The following PARD3B variants were observed in gnomAD, a reference collection of about 807,000 sequenced individuals.
PARD3B encodes the protein partitioning defective 3 homolog B.
PARD3B carries 103 observed loss-of-function variants against 130.2 expected under a neutral mutation model. That is an observed-to-expected ratio of 0.79 (90% CI 0.67 to 0.93). The LOEUF is 0.93. Among genes scored for constraint, PARD3B ranks in the 40% least tolerant of loss-of-function variants. The probability of loss-of-function intolerance (pLI) is 0.00; values close to 1 mark genes in which losing one functional copy is unlikely to be tolerated. For synonymous variants in PARD3B, 583 were observed against 553.2 expected, an observed-to-expected ratio of 1.05 and a Z score of -0.76; for missense variants, 1,609 against 1,499.2, an observed-to-expected ratio of 1.07 and a Z score of -1.21.
Position 205,301,672 on chromosome 2 carries a change from AAAG to A in PARD3B, c.2608_2610del (p.Lys870del), listed in dbSNP as rs750498436. 2.5e-5 allele frequency: 40 copies of A among 1,614,002 alleles called. No homozygotes were observed. The highest frequency in any genetic ancestry group is 1.6e-4 in the South Asian group (15 of 91,074). On this transcript the variant is annotated inframe_deletion, in exon 18 of 23. Coordinates refer to ENST00000406610, the MANE Select transcript of PARD3B (RefSeq NM_001302769.2). This position sits in a 1 kb window ranked among gnomAD's most constrained non-coding sequence, Gnocchi z 5.2. ...AGAATGAAGATCCAGAAAGGAAAAT[AAAG>A]AAGAAGGGCTTCGGCGCCATGCTGA...
intron 4 of PARD3B, among the ~76,000 whole-genome samples, chr2:205,054,436 A>ATATTTTT (rs1411271901): frequency 7.0e-5 from 2 of 28,438 alleles, no homozygotes; most frequent in Admixed American, 7.1e-4. Flanking sequence ...ATATATATAT[A>ATATTTTT]TTTTTTTTTT....
At chr2:204,960,728 A>G (rs1395611226) in intron 2 of PARD3B, among the ~76,000 whole-genome samples, 1 of 152,158 alleles carries the variant, frequency 6.6e-6, no homozygotes, top group Admixed American at 6.6e-5. Flanking sequence ...ATGGGGATAC[A>G]CAATCAATAA....
chr2:205,339,823 A>G (rs544986137), intron 18 of PARD3B, among the ~76,000 whole-genome samples: 1 of 152,292 alleles, frequency 6.6e-6, no homozygotes, highest in East Asian at 1.9e-4. Context: ...TGAAGAAACA[A>G]AACATTTGAC....
intron 19 of PARD3B, among the ~76,000 whole-genome samples, chr2:205,433,123 A>G (rs1286939331): frequency 6.6e-6 from 1 of 152,222 alleles, no homozygotes; most frequent in Non-Finnish European, 1.5e-5. Flanking sequence ...TAATGCATTT[A>G]AAAGAGAATT....
intron 2 of PARD3B, among the ~76,000 whole-genome samples, chr2:204,730,585 G>GAAAAAAAAAAAAAAAA (rs201459754): frequency 7.4e-6 from 1 of 134,712 alleles, no homozygotes. Flanking sequence ...AAAAAAAAAA[G>GAAAAAAAAAAAAAAAA]AAAAAAAAAA....
intron 1 of PARD3B, among the ~76,000 whole-genome samples, chr2:204,597,490 G>C (rs1413081041): frequency 6.6e-6 from 1 of 152,134 alleles, no homozygotes; most frequent in Non-Finnish European, 1.5e-5. Flanking sequence ...ATGGAGAAAA[G>C]GCAATTGTTT....
chr2:205,500,225 G>A (rs924592115), intron 21 of PARD3B, among the ~76,000 whole-genome samples, 194 bp downstream of exon 21: 1 of 152,110 alleles, frequency 6.6e-6, no homozygotes, highest in African/African-American at 2.4e-5. Context: ...CGCCGTGAAC[G>A]TGCAGTAGTT....
intron 2 of PARD3B, among the ~76,000 whole-genome samples, chr2:204,755,814 G>A (rs115202937): frequency 0.038 from 5,715 of 152,146 alleles, 154 homozygotes; most frequent in African/African-American, 0.077. Flanking sequence ...ACAGAGAAAT[G>A]CTTGATGACT....
rs993562100 is a variant in PARD3B at position 205,280,575 on chromosome 2, G to T, written c.2186-19955G>T. 6.6e-6 allele frequency among the ~76,000 whole-genome samples: 1 copy of T among 152,154 alleles called. No individual in the cohort carries two copies. Among genetic ancestry groups the T allele is most frequent in the Non-Finnish European group, 1.5e-5 (1 of 68,030 alleles). On this transcript the variant is annotated intron_variant, in intron 16 of 22. Transcript: ENST00000406610. The surrounding 1 kb of genome is among the most constrained non-coding windows in gnomAD (Gnocchi z 4.7). ...TGGTTCTCAGAGAATATCAAATTCC[G>T]ATGTCAGTTTTGTAAATAAGTATCT...
At chr2:204,773,725 AACATT>A (rs1257098428) in intron 2 of PARD3B, among the ~76,000 whole-genome samples, 1 of 152,092 alleles carries the variant, frequency 6.6e-6, no homozygotes, top group Non-Finnish European at 1.5e-5. Context: ...AATTGAAGCC[AACATT>A]ATCGTTTTGG....
chr2:204,899,241 C>T (rs1477349051), intron 2 of PARD3B, among the ~76,000 whole-genome samples: 1 of 119,722 alleles, frequency 8.4e-6, no homozygotes, highest in Non-Finnish European at 1.7e-5. Context: ...TCCTTCCCTC[C>T]CTCCCTCCCT....
Position 205,440,807 on chromosome 2 carries a change from T to C in PARD3B, c.3044+135T>C. The C allele has an allele frequency of 1.1e-6, 1 of 891,622 alleles. No individual in the cohort carries two copies. Among genetic ancestry groups the C allele is most frequent in the Middle Eastern group, 3.4e-4 (1 of 2,930 alleles). The allele number at this position is 891,622 out of a possible 1,614,324, so 55.2% of individuals were successfully genotyped here. ...GAGTCAGTACCCTAGACAAGTGCCA[T>C]CCTTTGACCGACCTGTAAGATATCC... On this transcript the variant is annotated intron_variant, in intron 20 of 22. Transcript: ENST00000406610. The surrounding 1 kb of genome is among the most constrained non-coding windows in gnomAD (Gnocchi z 4.2).
intron 5 of PARD3B, among the ~76,000 whole-genome samples, chr2:205,108,682 C>T (rs938765645): frequency 7.9e-5 from 12 of 152,124 alleles, no homozygotes; most frequent in South Asian, 2.1e-4. Context: ...CTAATCCCAG[C>T]TTCCCTTCCT....
intron 2 of PARD3B, among the ~76,000 whole-genome samples, chr2:204,748,248 G>T (rs2040323099): frequency 6.6e-6 from 1 of 152,018 alleles, no homozygotes. Context: ...AAGATGGGTA[G>T]AAAAATGTCA....
At position 205,460,393 on chromosome 2, in the gene PARD3B, G is replaced by GTGGTGA. The variant is rs2048410818; in HGVS notation, c.3044+19723_3044+19724insGTGATG. Among the ~76,000 whole-genome samples the GTGGTGA allele has an allele frequency of 6.8e-6, 1 of 147,888 alleles. No homozygotes were observed. The highest frequency in any genetic ancestry group is 1.5e-5 in the Non-Finnish European group (1 of 66,910). ...ATTATCAAGACTAAGGATGTTGATA[G>GTGGTGA]TGATGATGATGATGATGATGATGAT... On this transcript the variant is annotated intron_variant, in intron 20 of 22. Coordinates refer to ENST00000406610, the MANE Select transcript of PARD3B (RefSeq NM_001302769.2). This position sits in a 1 kb window ranked among gnomAD's most constrained non-coding sequence, Gnocchi z 4.9.
intron 13 of PARD3B, 126 bp from the exon 14 acceptor site, chr2:205,185,638 C>T (rs2036054450): frequency 1.5e-6 from 1 of 688,856 alleles, no homozygotes; most frequent in African/African-American, 1.8e-5. Flanking sequence ...TGTATGAGAA[C>T]TTATTTATTT....
At chr2:205,210,092 A>G (rs1392662918) in intron 15 of PARD3B, among the ~76,000 whole-genome samples, 1 of 152,014 alleles carries the variant, frequency 6.6e-6, no homozygotes, top group Non-Finnish European at 1.5e-5. Context: ...AGGGCCAGTC[A>G]TGGTGGCTCA....
intron 1 of PARD3B, among the ~76,000 whole-genome samples, chr2:204,668,460 T>A (rs1007042151): frequency 1.3e-5 from 2 of 152,210 alleles, no homozygotes; most frequent in Non-Finnish European, 2.9e-5. Context: ...TTCTCCAGAA[T>A]GTCAGGCCCA....
Position 205,552,465 on chromosome 2 carries a change from G to C in PARD3B, c.3181-859G>C, listed in dbSNP as rs1363617053. ...ACTATGTCAGCCAAACTGGAGTGCA[G>C]TGGCGTGATGTGGGCTCACTGCAAC... On this transcript the variant is annotated intron_variant, in intron 21 of 22. Coordinates refer to ENST00000406610, the MANE Select transcript of PARD3B (RefSeq NM_001302769.2). 1.3e-5 allele frequency among the ~76,000 whole-genome samples: 2 copies of C among 152,162 alleles called. 1 individual carries two copies. The highest frequency in any genetic ancestry group is 3.9e-4 in the East Asian group (2 of 5,190).
Sources: gnomAD v4.1 joint callset for allele counts (sites outside exome capture counted in the v4.1 genomes callset) on GRCh38, gnomAD v4.1.1 for gene constraint, Gnocchi (gnomAD v3.1) non-coding constraint, MANE v1.5 for transcripts, NCBI Gene and HGNC (gene_info 2026-07-23, HGNC 2026-07-21) for gene names.